Variants in ATP11B observed in about 807,000 individuals in gnomAD.
The protein encoded by ATP11B is ATPase phospholipid transporting 11B (putative), also known as phospholipid-transporting ATPase IF.
Under a neutral mutation model 157.8 loss-of-function variants are expected in ATP11B, and 81 were observed. The observed-to-expected ratio is 0.51, with a 90% CI of 0.43 to 0.62. ATP11B has a LOEUF of 0.62. Among genes scored for constraint, ATP11B ranks in the 20% least tolerant of loss-of-function variants. The probability of loss-of-function intolerance (pLI) is 0.00; values close to 1 mark genes in which losing one functional copy is unlikely to be tolerated. For missense variants in ATP11B, 1,165 were observed against 1,402.2 expected (o/e 0.83, Z 2.70); for synonymous variants, 451 against 469.4 (o/e 0.96, Z 0.51).
At chr3:182,821,255 C>A (rs1717325614) in intron 2 of ATP11B, among the ~76,000 whole-genome samples, 1 of 151,992 alleles carries the variant, frequency 6.6e-6, no homozygotes, top group Non-Finnish European at 1.5e-5. Context: ...ATTACAGGTA[C>A]CTGCTACCAT....
intron 1 of ATP11B, among the ~76,000 whole-genome samples, chr3:182,801,250 T>C (rs1330977031): frequency 1.3e-5 from 2 of 152,242 alleles, no homozygotes; most frequent in Non-Finnish European, 2.9e-5. Flanking sequence ...AGTTAAGCTG[T>C]GTCTGTCTCC....
intron 18 of ATP11B, among the ~76,000 whole-genome samples, 194 bp from the exon 19 acceptor site, chr3:182,873,618 A>C (rs1238068403): frequency 6.6e-6 from 1 of 152,244 alleles, no homozygotes; most frequent in Non-Finnish European, 1.5e-5. Flanking sequence ...TGTGTTAACC[A>C]GACAATTACC....
intron 9 of ATP11B, among the ~76,000 whole-genome samples, chr3:182,847,317 G>A (rs769637334): frequency 3.5e-4 from 53 of 152,286 alleles, no homozygotes; most frequent in Admixed American, 8.5e-4. Context: ...GGGATTACAG[G>A]CGTGAGCCAC....
At chr3:182,883,567 G>T (rs556209262) in intron 21 of ATP11B, among the ~76,000 whole-genome samples, 1 of 150,652 alleles carries the variant, frequency 6.6e-6, no homozygotes, top group Non-Finnish European at 1.5e-5. Context: ...CTGAGCCACC[G>T]TGCCCAGCCT....
At chr3:182,835,510 T>G (rs947570171) in intron 4 of ATP11B, among the ~76,000 whole-genome samples, 1 of 152,200 alleles carries the variant, frequency 6.6e-6, no homozygotes, top group African/African-American at 2.4e-5. Context: ...TGATGTTATT[T>G]GTCAAGATGG....
chr3:182,909,095 T>C (rs1724585226), intron 28 of ATP11B, among the ~76,000 whole-genome samples: 2 of 152,228 alleles, frequency 1.3e-5, no homozygotes, highest in South Asian at 2.1e-4. Flanking sequence ...ATGTTAGAAA[T>C]GTGAGACATT....
intron 8 of ATP11B, 87 bp downstream of exon 8, chr3:182,842,209 A>G: frequency 1.1e-6 from 1 of 920,214 alleles, no homozygotes; most frequent in Non-Finnish European, 1.7e-6. Flanking sequence ...GATTATGTAA[A>G]TAAGCAGCCC....
rs562003946 is a variant in ATP11B, at chr3:182,812,346, A to G, written c.28-7914A>G. On this transcript the variant is annotated intron_variant, in intron 1 of 29. Transcript: ENST00000323116. The stretch of plus-strand genomic sequence containing the variant: ...GAGGAAGCTCAGAAGTGTTTTAGAT[A>G]TGAGTGGAAATGTATTTTTACCCGT... Among the ~76,000 whole-genome samples, 9 of 152,318 alleles carry G rather than the reference A, an allele frequency of 5.9e-5. No individual in the cohort carries two copies. In the East Asian group the frequency reaches 1.7e-3, roughly 29 times the overall value.
chr3:182,915,240 C>T, intron 29 of ATP11B: 3 of 985,222 alleles, frequency 3.0e-6, no homozygotes, highest in Non-Finnish European at 3.6e-6. Context: ...AAATAGCATT[C>T]TTATGTTAAC....
intron 1 of ATP11B, among the ~76,000 whole-genome samples, chr3:182,797,762 G>A (rs1411110978): frequency 6.6e-6 from 1 of 151,728 alleles, no homozygotes; most frequent in African/African-American, 2.4e-5. Flanking sequence ...TTAGTTACAT[G>A]TTGAGATATT....
At chr3:182,879,718 GCCT>G (rs1393304060) in intron 20 of ATP11B, 69 bp downstream of exon 20, 8 of 1,376,704 alleles carry the variant, frequency 5.8e-6, no homozygotes, top group Non-Finnish European at 6.8e-6. Flanking sequence ...TAAAGTTAAT[GCCT>G]TACATAGTTC....
intron 20 of ATP11B, 28 bp from the exon 21 acceptor site, chr3:182,880,851 T>A (rs1408871832): frequency 6.8e-7 from 1 of 1,475,452 alleles, no homozygotes; most frequent in Non-Finnish European, 9.2e-7. Context: ...ACTTGCGTCA[T>A]AAATAACCAA....
At chr3:182,917,722 G>C in intron 29 of ATP11B, 1 of 984,982 alleles carries the variant, frequency 1.0e-6, no homozygotes. Flanking sequence ...ACTTCTTATT[G>C]AATTGTTAAC....
chr3:182,902,374 GTGTAGGAACAGA>G, intron 28 of ATP11B: 1 of 448,862 alleles, frequency 2.2e-6, no homozygotes, highest in East Asian at 8.1e-5. Context: ...TTTACTCCTC[GTGTAGGAACAGA>G]TGTATTTACA....
chr3:182,859,172 T>G lies in ATP11B; in HGVS notation c.1013T>G (p.Phe338Cys), dbSNP rs1720643351. Reference protein sequence around the residue: ...HQRNSSKILRFISDFLAFLVL... With the variant: ...HQRNSSKILRCISDFLAFLVL... Reference sequence around the variant, plus strand: ...TTTCCTTTTTTCTAGATTCTGAGATTTATTTCAGACTTCCTTGCTTTTTTG... The same window carrying G: ...TTTCCTTTTTTCTAGATTCTGAGATGTATTTCAGACTTCCTTGCTTTTTTG... Residue 338 changes from phenylalanine (F) to cysteine (C), a missense_variant, in exon 12 of 30, where the codon TTT (phenylalanine) becomes TGT (cysteine). Coordinates refer to ENST00000323116, the MANE Select transcript of ATP11B (RefSeq NM_014616.3). 6.2e-7 allele frequency: 1 copy of G among 1,601,674 alleles called. No individual in the cohort carries two copies. The highest frequency in any genetic ancestry group is 1.3e-5 in the African/African-American group (1 of 74,368).
intron 10 of ATP11B, among the ~76,000 whole-genome samples, chr3:182,855,428 T>C (rs553255323): frequency 6.6e-6 from 1 of 152,152 alleles, no homozygotes; most frequent in Non-Finnish European, 1.5e-5. Flanking sequence ...TAAAACAAAC[T>C]TTTAGAAGAA....
At chr3:182,858,078 A>T (rs1416522533) in intron 11 of ATP11B, 50 bp downstream of exon 11, 1 of 1,518,870 alleles carries the variant, frequency 6.6e-7, no homozygotes, top group South Asian at 1.2e-5. Context: ...ATTACTTGGC[A>T]CGATTAGTGC....
At chr3:182,897,873 C>CAG (rs1380094656) in intron 27 of ATP11B, among the ~76,000 whole-genome samples, 1 of 152,006 alleles carries the variant, frequency 6.6e-6, no homozygotes, top group Non-Finnish European at 1.5e-5. Context: ...TTGATAGAAT[C>CAG]AGATATTCAA....
chr3:182,854,004 T>C (rs1179827193), intron 10 of ATP11B, among the ~76,000 whole-genome samples: 2 of 152,182 alleles, frequency 1.3e-5, no homozygotes, highest in African/African-American at 4.8e-5. Flanking sequence ...GGTTTGTTGA[T>C]TTTCAACCAA....
Sources: gnomAD v4.1 joint callset for allele counts (sites outside exome capture counted in the v4.1 genomes callset) on GRCh38, gnomAD v4.1.1 for gene constraint, MANE v1.5 for transcripts, NCBI Gene and HGNC (gene_info 2026-07-23, HGNC 2026-07-21) for gene names.